Variants in FMNL3 observed in about 807,000 individuals in gnomAD.
The protein encoded by FMNL3 is formin like 3, also known as formin-like protein 3.
In FMNL3, 57 loss-of-function variants were observed where a neutral mutation model predicts 119.6. The observed-to-expected ratio is 0.48, with a 90% confidence interval of 0.39 to 0.59. The LOEUF (loss-of-function observed/expected upper bound fraction) is 0.59, where lower values mean the gene tolerates loss of function less well. Among genes scored for constraint, FMNL3 ranks in the 20% least tolerant of loss-of-function variants. The pLI, the probability that FMNL3 is intolerant of heterozygous loss-of-function variation, is 0.00. For synonymous variants in FMNL3, 491 were observed against 507.3 expected (o/e 0.97, Z 0.43); for missense variants, 1,053 against 1,323.5 (o/e 0.80, Z 3.17).
Position 49,707,206 on chromosome 12 carries a change from C to G in FMNL3, c.-26G>C. On this transcript the variant is annotated 5_prime_UTR_variant, in exon 1 of 26. Coordinates refer to ENST00000335154, the MANE Select transcript of FMNL3 (RefSeq NM_175736.5). ...CGCGGCGGGGCCCCCTCAGGGGCCT[C>G]GGCCCCCCACCTCCACGCTCCGGAG... 1 of 1,487,648 alleles carries G rather than the reference C, an allele frequency of 6.7e-7. No homozygotes were observed. The highest frequency in any genetic ancestry group is 1.5e-5 in the African/African-American group (1 of 68,860). 92.2% of individuals were successfully genotyped at this position (1,487,648 alleles called of 1,614,324 possible).
At chr12:49,696,905 TAG>T (rs1412937179) in intron 1 of FMNL3, among the ~76,000 whole-genome samples, 6 of 152,312 alleles carry the variant, frequency 3.9e-5, no homozygotes, top group African/African-American at 1.2e-4. Flanking sequence ...GTTCCTGCAG[TAG>T]AGTTTCCTCA....
rs375164506 is a variant in FMNL3 at position 49,642,573 on chromosome 12, G to C, written c.*3242C>G. On this transcript the variant is annotated 3_prime_UTR_variant, in exon 26 of 26. Transcript: ENST00000335154. This position sits in a 1 kb window ranked among gnomAD's most constrained non-coding sequence, Gnocchi z 5.8. ...TAGTCTGATCAGCAGTGCTCTCCTC[G>C]TTCAAGGTCCGTGAGCGTTTTGTGT... 1 of 1,614,174 alleles carries C rather than the reference G, an allele frequency of 6.2e-7. No homozygotes were observed. The highest frequency in any genetic ancestry group is 1.1e-5 in the South Asian group (1 of 91,066).
intron 1 of FMNL3, among the ~76,000 whole-genome samples, chr12:49,705,459 C>A (rs1203929143): frequency 6.6e-6 from 1 of 152,202 alleles, no homozygotes; most frequent in East Asian, 1.9e-4. Context: ...GCAGCTCCCA[C>A]CTAAGGCAGC....
intron 1 of FMNL3, among the ~76,000 whole-genome samples, chr12:49,683,655 C>T (rs1283650666): frequency 6.6e-6 from 1 of 152,124 alleles, no homozygotes; most frequent in Non-Finnish European, 1.5e-5. Context: ...CACTCAGCTG[C>T]CTACCTCCAA....
chr12:49,695,212 C>A (rs1944719914), intron 1 of FMNL3, among the ~76,000 whole-genome samples: 1 of 151,970 alleles, frequency 6.6e-6, no homozygotes, highest in African/African-American at 2.4e-5. Flanking sequence ...AGCTAAATTC[C>A]TCTTGAATCT....
In FMNL3 at chr12:49,668,589, C is replaced by A. The variant is rs747167877; in HGVS notation, c.127-35G>T. The A allele has an allele frequency of 5.4e-5, 86 of 1,588,496 alleles. 1 individual carries two copies. The East Asian group carries it at 1.7e-3, about 32-fold the overall frequency. ...GAACCTGAGTCAACAAGGCTGAAAC[C>A]TCCCCTCATCTGGAAAAGAGAAAGA... On this transcript the variant is annotated intron_variant, in intron 1 of 25. Transcript: ENST00000335154.
rs976674581 is a variant in FMNL3 at position 49,680,178 on chromosome 12, C to T, written c.127-11624G>A. Among the ~76,000 whole-genome samples, 18 of 152,216 alleles carry T rather than the reference C, an allele frequency of 1.2e-4. 1 individual carries two copies. Among genetic ancestry groups the T allele is most frequent in the Non-Finnish European group, 2.9e-5 (2 of 68,032 alleles). Reference sequence around the variant, plus strand: ...AGAGGCCATTTTGGGGGGCAGCACCCAGTACACTGGCCTAGGGCCCAGCTC... The same window carrying T: ...AGAGGCCATTTTGGGGGGCAGCACCTAGTACACTGGCCTAGGGCCCAGCTC... On this transcript the variant is annotated intron_variant, in intron 1 of 25. Transcript: ENST00000335154.
intron 1 of FMNL3, among the ~76,000 whole-genome samples, chr12:49,704,583 C>T (rs142166367): frequency 0.021 from 3,236 of 152,046 alleles, 131 homozygotes; most frequent in African/African-American, 0.074. Context: ...TAGTGGCACG[C>T]GCCTGTAATC....
At position 49,636,842 on chromosome 12, in the gene FMNL3, C is replaced by A; in HGVS notation, c.*8973G>T. The stretch of plus-strand genomic sequence containing the variant: ...CGCCAACAACGCAAGAATCGGGAGG[C>A]CTTCCAGGTATCTTTGCTGTCCTTT... On this transcript the variant is annotated 3_prime_UTR_variant, in exon 26 of 26. Coordinates refer to ENST00000335154, the MANE Select transcript of FMNL3 (RefSeq NM_175736.5). 1 of 1,613,894 alleles carries A rather than the reference C, an allele frequency of 6.2e-7. No homozygotes were observed. The highest frequency in any genetic ancestry group is 8.5e-7 in the Non-Finnish European group (1 of 1,180,006).
At chr12:49,697,665 A>C (rs1944786637) in intron 1 of FMNL3, among the ~76,000 whole-genome samples, 1 of 152,210 alleles carries the variant, frequency 6.6e-6, no homozygotes, top group Non-Finnish European at 1.5e-5. Flanking sequence ...GAATTCTGAG[A>C]CGAGATAAAG....
At chr12:49,687,523 C>T (rs143859183) in intron 1 of FMNL3, among the ~76,000 whole-genome samples, 143 of 152,234 alleles carry the variant, frequency 9.4e-4, no homozygotes, top group African/African-American at 3.3e-3. Flanking sequence ...GGCTATAACC[C>T]CCAATGACCA....
At chr12:49,661,577 C>A (rs1184377690) in intron 5 of FMNL3, among the ~76,000 whole-genome samples, 1 of 152,182 alleles carries the variant, frequency 6.6e-6, no homozygotes, top group Non-Finnish European at 1.5e-5. Context: ...ATCTGGAAAC[C>A]CAAAGTTGCT....
At chr12:49,685,009 T>C (rs1944421850) in intron 1 of FMNL3, among the ~76,000 whole-genome samples, 1 of 152,140 alleles carries the variant, frequency 6.6e-6, no homozygotes, top group South Asian at 2.1e-4. Flanking sequence ...TTCTAGAACA[T>C]TGTCTGGGCC....
intron 1 of FMNL3, among the ~76,000 whole-genome samples, chr12:49,681,639 C>T (rs923456907): frequency 2.0e-5 from 3 of 151,926 alleles, no homozygotes; most frequent in African/African-American, 7.3e-5. Flanking sequence ...CTCCCTGCAG[C>T]CCCAAACTCA....
intron 1 of FMNL3, among the ~76,000 whole-genome samples, chr12:49,700,430 A>T (rs1944875001): frequency 6.8e-6 from 1 of 146,678 alleles, no homozygotes; most frequent in Non-Finnish European, 1.5e-5. Flanking sequence ...AAAGGGTAAG[A>T]TACGCTGGAC....
Position 49,651,308 on chromosome 12 carries a change from G to C in FMNL3, c.1673-16C>G, listed in dbSNP as rs1195260130. 6.2e-7 allele frequency: 1 copy of C among 1,609,498 alleles called. No homozygotes were observed. The highest frequency in any genetic ancestry group is 1.1e-5 in the South Asian group (1 of 91,002). On this transcript the variant is annotated splice_polypyrimidine_tract_variant and intron_variant, in intron 15 of 25. Coordinates refer to ENST00000335154, the MANE Select transcript of FMNL3 (RefSeq NM_175736.5). ...ATTCGAATGGCTAATTTGGAAGGAG[G>C]ATCAGTGACACAGGGGCCAAGGACA... is the stretch of plus-strand genomic sequence containing the variant.
chr12:49,636,790 C>A lies in FMNL3; in HGVS notation c.*9025G>T, dbSNP rs374081725. The stretch of plus-strand genomic sequence containing the variant: ...TTTGGAGAGGGAAGAGGAGGAGGAA[C>A]GGGAGCGGGCCCGGCTTCGGGAGCG... On this transcript the variant is annotated 3_prime_UTR_variant, in exon 26 of 26. Coordinates refer to ENST00000335154, the MANE Select transcript of FMNL3 (RefSeq NM_175736.5). 1 of 1,614,180 alleles carries A rather than the reference C, an allele frequency of 6.2e-7. No individual in the cohort carries two copies. The highest frequency in any genetic ancestry group is 8.5e-7 in the Non-Finnish European group (1 of 1,180,040).
rs751233978 is a variant in FMNL3, at chr12:49,637,426, C to A, written c.*8389G>T. ...TCTTCCCCCTCAGTCTGTGGCTCTG[C>A]CTCCCTGTCTCACTCTCCCTATAAC... On this transcript the variant is annotated 3_prime_UTR_variant, in exon 26 of 26. Transcript: ENST00000335154. The A allele has an allele frequency of 2.9e-6, 4 of 1,389,714 alleles. No homozygotes were observed. Among genetic ancestry groups the A allele is most frequent in the African/African-American group, 2.8e-5 (2 of 70,384 alleles). The allele number at this position is 1,389,714 out of a possible 1,614,324, so 86.1% of individuals were successfully genotyped here. A position where few individuals can be genotyped will look rare whatever the true frequency, so the allele number is the denominator to read the frequency against.
At chr12:49,698,197 G>A (rs531447891) in intron 1 of FMNL3, among the ~76,000 whole-genome samples, 1 of 152,110 alleles carries the variant, frequency 6.6e-6, no homozygotes, top group Non-Finnish European at 1.5e-5. Context: ...AACAAAGTAC[G>A]TATCTTCCCT....
Sources: gnomAD v4.1 joint callset for allele counts (sites outside exome capture counted in the v4.1 genomes callset) on GRCh38, gnomAD v4.1.1 for gene constraint, Gnocchi (gnomAD v3.1) non-coding constraint, MANE v1.5 for transcripts, NCBI Gene and HGNC (gene_info 2026-07-23, HGNC 2026-07-21) for gene names.